FGF8: variants seen among roughly 807,000 people sequenced by gnomAD.
The protein encoded by FGF8 is androgen-induced growth factor.
A neutral mutation model predicts 29.7 loss-of-function variants in FGF8; 12 were observed. That is an observed-to-expected ratio of 0.40 (90% CI 0.26 to 0.65). The LOEUF (loss-of-function observed/expected upper bound fraction) is 0.65. FGF8 is among the 30% of genes least tolerant of loss of function. The pLI is 0.37. For missense variants in FGF8, 271 were observed against 345.1 expected, an observed-to-expected ratio of 0.79 and a Z score of 1.70; for synonymous variants, 157 against 144.4, an observed-to-expected ratio of 1.09 and a Z score of -0.63.
In FGF8 at chr10:101,775,831, G is replaced by T. The variant is rs1202780745; in HGVS notation, c.32+38C>A. 2.6e-6 allele frequency: 4 copies of T among 1,521,706 alleles called. No homozygotes were observed. In the South Asian group the frequency reaches 4.8e-5, roughly 18 times the overall value. The allele number at this position is 1,521,706 out of a possible 1,614,324, so 94.3% of individuals were successfully genotyped here. On this transcript the variant is annotated intron_variant, in intron 1 of 5. Coordinates refer to ENST00000320185, the MANE Select transcript of FGF8 (RefSeq NM_033163.5). The surrounding 1 kb of genome is among the most constrained non-coding windows in gnomAD (Gnocchi z 4.6). ...GAGGCGCGGGTGAGGCGAGGGGCGC[G>T]GGGGGCGGGTGGCGGGGCAGGGCGG...
At chr10:101,770,880 C>T (rs1472037720) in intron 5 of FGF8, among the ~76,000 whole-genome samples, 2 of 151,568 alleles carry the variant, frequency 1.3e-5, no homozygotes, top group Non-Finnish European at 2.9e-5. Context: ...GAGAGAGGGG[C>T]CCAGAGCCTG....
chr10:101,773,487 G>A (rs982212554), intron 4 of FGF8, among the ~76,000 whole-genome samples: 49 of 133,978 alleles, frequency 3.7e-4, no homozygotes, highest in African/African-American at 1.3e-3. Context: ...CTCCCATGTC[G>A]GTTGAATCTG....
intron 5 of FGF8, among the ~76,000 whole-genome samples, chr10:101,770,955 C>T (rs1007578612): frequency 1.3e-5 from 2 of 152,038 alleles, no homozygotes; most frequent in Admixed American, 6.5e-5. Context: ...TCTCACCCCC[C>T]CAGGACTTCG....
chr10:101,779,073 G>A (rs1232893540), upstream of FGF8, among the ~76,000 whole-genome samples: 1 of 151,688 alleles, frequency 6.6e-6, no homozygotes, highest in African/African-American at 2.4e-5. The surrounding 1 kb of genome is among the most constrained non-coding windows in gnomAD (Gnocchi z 5.7). Context: ...AACACAAACG[G>A]CCCATCTCCG....
Position 101,775,114 on chromosome 10 carries a change from GA to G in FGF8, c.156+15del. The G allele has an allele frequency of 6.5e-7, 1 of 1,546,800 alleles. No individual in the cohort carries two copies. On this transcript the variant is annotated intron_variant, in intron 3 of 5. Coordinates refer to ENST00000320185, the MANE Select transcript of FGF8 (RefSeq NM_033163.5). This position sits in a 1 kb window ranked among gnomAD's most constrained non-coding sequence, Gnocchi z 4.6. ...CAGCCCAGGATGAACGAGCCCCAGG[GA>G]GAAGCTGGACCCACCTGTTGGGAGA...
upstream of FGF8, among the ~76,000 whole-genome samples, chr10:101,776,986 G>C (rs2065103881): frequency 2.0e-5 from 3 of 152,094 alleles, no homozygotes; most frequent in African/African-American, 7.2e-5. Flanking sequence ...TACCTCAGCA[G>C]GCAGCAGGGG....
At chr10:101,778,207 C>T (rs946371416), upstream of FGF8, among the ~76,000 whole-genome samples, 3 of 152,242 alleles carry the variant, frequency 2.0e-5, no homozygotes, top group Non-Finnish European at 4.4e-5. Flanking sequence ...AGATGGAGAG[C>T]AGGCACTTCC....
At chr10:101,770,717 C>G in intron 5 of FGF8, 98 bp from the exon 6 acceptor site, 15 of 1,377,634 alleles carry the variant, frequency 1.1e-5, no homozygotes, top group Non-Finnish European at 1.5e-5. Context: ...CAGCAGATGG[C>G]GAGGTGGGCA....
upstream of FGF8, chr10:101,780,346 G>C (rs982273801): frequency 6.6e-6 from 1 of 152,188 alleles, no homozygotes; most frequent in Non-Finnish European, 1.5e-5. Context: ...AAGAGCGTGC[G>C]GGTCGGTACT....
chr10:101,780,105 C>T (rs1003733813), upstream of FGF8, among the ~76,000 whole-genome samples: 3 of 152,368 alleles, frequency 2.0e-5, no homozygotes, highest in Non-Finnish European at 4.4e-5. Context: ...CCGCGCTCCG[C>T]AGCGAGACCC....
At position 101,772,559 on chromosome 10, in the gene FGF8, T is replaced by G. The variant is rs1444876514; in HGVS notation, c.338-990A>C. Among the ~76,000 whole-genome samples the G allele has an allele frequency of 6.6e-6, 1 of 152,162 alleles. No homozygotes were observed. The highest frequency in any genetic ancestry group is 1.5e-5 in the Non-Finnish European group (1 of 68,028). On this transcript the variant is annotated intron_variant, in intron 4 of 5. Coordinates refer to ENST00000320185, the MANE Select transcript of FGF8 (RefSeq NM_033163.5). The surrounding 1 kb of genome is among the most constrained non-coding windows in gnomAD (Gnocchi z 4.4). Reference sequence around the variant, plus strand: ...TCCTCAAGAAAGTAGTGAGGGTGACTTCACTGTTTAGGAAGGGACAGAAGG... The same window carrying G: ...TCCTCAAGAAAGTAGTGAGGGTGACGTCACTGTTTAGGAAGGGACAGAAGG...
chr10:101,776,550 G>C (rs368685528), upstream of FGF8, among the ~76,000 whole-genome samples: 4 of 152,012 alleles, frequency 2.6e-5, no homozygotes, highest in East Asian at 3.9e-4. Flanking sequence ...TGGCGGGTCT[G>C]GGTCTCCGCC....
rs1465205482 is a variant in FGF8 at position 101,771,721 on chromosome 10, C to A, written c.338-152G>T. ...CCAGCTACTAACATGCTGTGCAACC[C>A]AGAGAAAGGGCTTTTCTGGACCTCG... On this transcript the variant is annotated intron_variant, in intron 4 of 5. Coordinates refer to ENST00000320185, the MANE Select transcript of FGF8 (RefSeq NM_033163.5). The surrounding 1 kb of genome is among the most constrained non-coding windows in gnomAD (Gnocchi z 5.3). The A allele has an allele frequency of 1.5e-5, 11 of 713,350 alleles. No individual in the cohort carries two copies. The Admixed American group carries it at 1.6e-4, about 10-fold the overall frequency. 44.2% of individuals were successfully genotyped at this position (713,350 alleles called of 1,614,324 possible). A position where few individuals can be genotyped will look rare whatever the true frequency, so the allele number is the denominator to read the frequency against.
In FGF8 at chr10:101,772,340, T is replaced by C. The variant is rs2065037396; in HGVS notation, c.338-771A>G. 6.6e-6 allele frequency among the ~76,000 whole-genome samples: 1 copy of C among 152,236 alleles called. No homozygotes were observed. The highest frequency in any genetic ancestry group is 2.4e-5 in the African/African-American group (1 of 41,462). On this transcript the variant is annotated intron_variant, in intron 4 of 5. Coordinates refer to ENST00000320185, the MANE Select transcript of FGF8 (RefSeq NM_033163.5). The surrounding 1 kb of genome is among the most constrained non-coding windows in gnomAD (Gnocchi z 4.4). ...TCTTTCAGCCTCATCACAGCTGGGC[T>C]TCTCAGCCCAGTGACCAAATAGCTT... is the stretch of plus-strand genomic sequence containing the variant.
Position 101,771,184 on chromosome 10 carries a change from T to C in FGF8, c.444+279A>G, listed in dbSNP as rs931198628. Among the ~76,000 whole-genome samples the C allele has an allele frequency of 1.3e-5, 2 of 152,210 alleles. No homozygotes were observed. Among genetic ancestry groups the C allele is most frequent in the Non-Finnish European group, 2.9e-5 (2 of 68,032 alleles). ...TAATTGGACATAATAGCAAAGCAAT[T>C]TGGCGATTTGTTAAAAAGATATATG... On this transcript the variant is annotated intron_variant, in intron 5 of 5. Transcript: ENST00000320185. The surrounding 1 kb of genome is among the most constrained non-coding windows in gnomAD (Gnocchi z 5.3).
intron 5 of FGF8, among the ~76,000 whole-genome samples, chr10:101,770,956 C>G (rs540981312): frequency 3.3e-5 from 5 of 152,202 alleles, no homozygotes; most frequent in South Asian, 4.1e-4. Context: ...CTCACCCCCC[C>G]AGGACTTCGG....
upstream of FGF8, among the ~76,000 whole-genome samples, chr10:101,776,604 G>A (rs987734250): frequency 6.6e-6 from 1 of 152,048 alleles, no homozygotes; most frequent in African/African-American, 2.4e-5. Context: ...AGTGGTCTCC[G>A]AGCCACCTAC....
Position 101,771,680 on chromosome 10 carries a change from G to A in FGF8, c.338-111C>T, listed in dbSNP as rs140559171. The A allele has an allele frequency of 8.5e-5, 69 of 813,890 alleles. No individual in the cohort carries two copies. In the East Asian group the frequency reaches 1.7e-3, roughly 20 times the overall value. The allele number at this position is 813,890 out of a possible 1,614,324, so 50.4% of individuals were successfully genotyped here. On this transcript the variant is annotated intron_variant, in intron 4 of 5. Transcript: ENST00000320185. The surrounding 1 kb of genome is among the most constrained non-coding windows in gnomAD (Gnocchi z 5.3). ...TCCAAAGACCAGGAACCCAAAACAT[G>A]GACTCCAGCTCCAGCCCAGCTACTA...
chr10:101,775,453 G>T lies in FGF8; in HGVS notation c.70-237C>A, dbSNP rs1489028983. ...GCCGCGGCTGCCCCCTTCCTCGGCGGCTGGGTGTTCCCTATGCCCCCAGCC... is the reference window on the plus strand; with the variant it reads ...GCCGCGGCTGCCCCCTTCCTCGGCGTCTGGGTGTTCCCTATGCCCCCAGCC... On this transcript the variant is annotated intron_variant, in intron 2 of 5. Coordinates refer to ENST00000320185, the MANE Select transcript of FGF8 (RefSeq NM_033163.5). This position sits in a 1 kb window ranked among gnomAD's most constrained non-coding sequence, Gnocchi z 4.6. The T allele has an allele frequency of 5.0e-6, 3 of 603,372 alleles. No individual in the cohort carries two copies. The highest frequency in any genetic ancestry group is 8.8e-6 in the Non-Finnish European group (3 of 339,720). The allele number at this position is 603,372 out of a possible 1,614,324, so 37.4% of individuals were successfully genotyped here. A position where few individuals can be genotyped will look rare whatever the true frequency, so the allele number is the denominator to read the frequency against.
Sources: allele counts gnomAD v4.1 joint callset (sites outside exome capture counted in the v4.1 genomes callset), GRCh38; gene constraint gnomAD v4.1.1; non-coding constraint Gnocchi (gnomAD v3.1); transcripts MANE v1.5; gene names NCBI Gene and HGNC (gene_info 2026-07-23, HGNC 2026-07-21).